SPOCK3: variants seen among roughly 807,000 people sequenced by gnomAD.
The protein encoded by SPOCK3 is SPARC (osteonectin), cwcv and kazal like domains proteoglycan 3.
SPOCK3 carries 30 observed loss-of-function variants against 56.6 expected under a neutral mutation model. That is an observed-to-expected ratio of 0.53 (90% confidence interval 0.40 to 0.72). The LOEUF (loss-of-function observed/expected upper bound fraction) is 0.72, where lower values mean the gene tolerates loss of function less well. Among genes scored for constraint, SPOCK3 ranks in the 30% least tolerant of loss-of-function variants. SPOCK3 has a pLI of 0.00. For synonymous variants in SPOCK3, 196 were observed against 183.3 expected (o/e 1.07, Z -0.56); for missense variants, 527 against 530.0 (o/e 0.99, Z 0.06).
intron 2 of SPOCK3, among the ~76,000 whole-genome samples, chr4:167,173,065 G>T (rs17600269): frequency 0.078 from 11,898 of 152,074 alleles, 623 homozygotes; most frequent in Middle Eastern, 0.16. Flanking sequence ...TTAGCACGAG[G>T]CATTTGCAGT....
At chr4:166,904,634 C>T (rs1263307673) in intron 5 of SPOCK3, among the ~76,000 whole-genome samples, 1 of 151,928 alleles carries the variant, frequency 6.6e-6, no homozygotes, top group East Asian at 1.9e-4. Context: ...CATGTTCTCA[C>T]TCATATGTGG....
intron 2 of SPOCK3, among the ~76,000 whole-genome samples, chr4:167,153,350 C>CTTTTGGCA: frequency 6.6e-6 from 1 of 152,158 alleles, no homozygotes; most frequent in East Asian, 1.9e-4. Context: ...AGCAGAGCAG[C>CTTTTGGCA]TTTTGGCATC....
In SPOCK3 at chr4:166,742,043, A is replaced by C; in HGVS notation, c.948T>G (p.Thr316=). The C allele has an allele frequency of 6.2e-7, 1 of 1,612,828 alleles. No homozygotes were observed. Among genetic ancestry groups the C allele is most frequent in the Non-Finnish European group, 8.5e-7 (1 of 1,179,042 alleles). Residue 316 remains threonine (T), a synonymous_variant, in exon 9 of 11, where the codon ACT becomes ACG. Coordinates refer to ENST00000357545, the MANE Select transcript of SPOCK3 (RefSeq NM_001040159.2). The part of the protein sequence containing the change: ...FQRQQDPPCQ[T]ELSNIQKRQG... ...GCCGCTTCTGAATATTGCTGAGCTC[A>C]GTCTGGCAAGGTGGGTCTGCAATGA...
chr4:166,949,256 CA>C (rs975484305), intron 4 of SPOCK3, among the ~76,000 whole-genome samples: 25 of 152,064 alleles, frequency 1.6e-4, no homozygotes, highest in African/African-American at 4.8e-4. Context: ...AAATTTTTTT[CA>C]AAGTTTTTAA....
chr4:166,942,342 C>T (rs1741180713), intron 4 of SPOCK3, among the ~76,000 whole-genome samples: 1 of 151,924 alleles, frequency 6.6e-6, no homozygotes, highest in South Asian at 2.1e-4. Flanking sequence ...TCCCAAGTAG[C>T]TGGGACTACA....
intron 2 of SPOCK3, among the ~76,000 whole-genome samples, chr4:167,083,908 G>A (rs894973164): frequency 6.6e-6 from 1 of 152,038 alleles, no homozygotes; most frequent in Non-Finnish European, 1.5e-5. Context: ...GTTAAATAAT[G>A]GTACATCGCC....
chr4:166,867,901 AAATTT>A (rs1403435224), intron 6 of SPOCK3, among the ~76,000 whole-genome samples: 1 of 151,952 alleles, frequency 6.6e-6, no homozygotes, highest in South Asian at 2.1e-4. Flanking sequence ...AGTTTGTTTT[AAATTT>A]AATTTAAATT....
chr4:166,840,430 C>G (rs1747116298), intron 6 of SPOCK3, among the ~76,000 whole-genome samples: 1 of 152,214 alleles, frequency 6.6e-6, no homozygotes, highest in Non-Finnish European at 1.5e-5. Flanking sequence ...CTCTTCCTAG[C>G]TTTACCTGTC....
At chr4:167,231,189 C>T (rs928763147) in intron 2 of SPOCK3, among the ~76,000 whole-genome samples, 8 of 151,648 alleles carry the variant, frequency 5.3e-5, no homozygotes, top group Non-Finnish European at 7.4e-5. Context: ...AAATATAATG[C>T]TAAATTGTAT....
intron 6 of SPOCK3, among the ~76,000 whole-genome samples, chr4:166,855,441 G>C (rs1376281325): frequency 2.0e-5 from 3 of 152,110 alleles, no homozygotes; most frequent in Non-Finnish European, 1.5e-5. Context: ...GTTAGCACCA[G>C]CTCCTGATTG....
At chr4:166,981,680 C>G (rs1746589053) in intron 4 of SPOCK3, among the ~76,000 whole-genome samples, 1 of 152,156 alleles carries the variant, frequency 6.6e-6, no homozygotes, top group African/African-American at 2.4e-5. Context: ...AGTCTGGCTC[C>G]CGGGCTTCAG....
At chr4:167,094,646 C>T (rs911489935) in intron 2 of SPOCK3, among the ~76,000 whole-genome samples, 11 of 151,960 alleles carry the variant, frequency 7.2e-5, no homozygotes, top group African/African-American at 2.7e-4. Flanking sequence ...TAAATAATAT[C>T]CACAGGAACG....
rs149042801 is a variant in SPOCK3, at chr4:166,791,465, C to A, written c.709+705G>T. Among the ~76,000 whole-genome samples the A allele has an allele frequency of 5.2e-3, 789 of 152,232 alleles. 5 individuals carry two copies. Among genetic ancestry groups the A allele is most frequent in the African/African-American group, 0.018 (738 of 41,554 alleles). On this transcript the variant is annotated intron_variant, in intron 7 of 10. Coordinates refer to ENST00000357545, the MANE Select transcript of SPOCK3 (RefSeq NM_001040159.2). ...CTTTTCTTGTGTTTTGGAGCACATGCTTCAATCTTTGAAAGATTCAGCCCG... is the reference window on the plus strand; with the variant it reads ...CTTTTCTTGTGTTTTGGAGCACATGATTCAATCTTTGAAAGATTCAGCCCG...
chr4:167,059,732 T>G (rs1346129672), intron 3 of SPOCK3, among the ~76,000 whole-genome samples: 3 of 152,058 alleles, frequency 2.0e-5, no homozygotes, highest in East Asian at 1.9e-4. Flanking sequence ...ATTCACAATA[T>G]GAAAGACTTG....
At position 166,734,693 on chromosome 4, in the gene SPOCK3, G is replaced by C. The variant is rs937206729; in HGVS notation, c.*228C>G. 12 of 401,856 alleles carry C rather than the reference G, an allele frequency of 3.0e-5. No individual in the cohort carries two copies. The highest frequency in any genetic ancestry group is 2.3e-4 in the African/African-American group (11 of 47,862). The allele number at this position is 401,856 out of a possible 1,614,324, so 24.9% of individuals were successfully genotyped here. On this transcript the variant is annotated 3_prime_UTR_variant, in exon 11 of 11. Coordinates refer to ENST00000357545, the MANE Select transcript of SPOCK3 (RefSeq NM_001040159.2). ...TTCAAAACTTTATTTTGTCTGACTAGACTGCATATGTATTTTCTTTTTGTG... is the reference window on the plus strand; with the variant it reads ...TTCAAAACTTTATTTTGTCTGACTACACTGCATATGTATTTTCTTTTTGTG...
chr4:166,797,176 G>A (rs1329932868), intron 6 of SPOCK3, among the ~76,000 whole-genome samples: 9 of 150,542 alleles, frequency 6.0e-5, no homozygotes, highest in African/African-American at 2.2e-4. Context: ...CACTGGGACA[G>A]GTACAAAAGG....
intron 4 of SPOCK3, among the ~76,000 whole-genome samples, chr4:166,985,234 T>G (rs954965826): frequency 1.3e-5 from 2 of 152,092 alleles, no homozygotes; most frequent in Non-Finnish European, 2.9e-5. Context: ...CAATGAAAAT[T>G]CAACATTGGA....
intron 6 of SPOCK3, among the ~76,000 whole-genome samples, chr4:166,806,732 A>G (rs1743203919): frequency 6.6e-6 from 1 of 152,030 alleles, no homozygotes; most frequent in Admixed American, 6.6e-5. Context: ...CTTAAAGTAT[A>G]CATCCCTATA....
chr4:167,152,916 T>C (rs1341596205), intron 2 of SPOCK3, among the ~76,000 whole-genome samples: 1 of 152,214 alleles, frequency 6.6e-6, no homozygotes, highest in Non-Finnish European at 1.5e-5. Context: ...TATCTATTTA[T>C]TTGTTTAGCA....
Sources: allele counts gnomAD v4.1 joint callset (sites outside exome capture counted in the v4.1 genomes callset), GRCh38; gene constraint gnomAD v4.1.1; transcripts MANE v1.5; gene names NCBI Gene and HGNC (gene_info 2026-07-23, HGNC 2026-07-21).